Variants in NOMO1 observed in about 807,000 individuals in gnomAD.
NOMO1 encodes NODAL modulator 1.
NOMO1 carries 40 observed loss-of-function variants against 133.8 expected under a neutral mutation model. The ratio of observed to expected loss-of-function variants is 0.30; its 90% CI spans 0.23 to 0.39. The LOEUF is 0.39. Among genes scored for constraint, NOMO1 ranks in the 10% least tolerant of loss-of-function variants. NOMO1 has a pLI of 1.00. For missense variants in NOMO1, 462 were observed against 1,419.9 expected, an observed-to-expected ratio of 0.33 and a Z score of 10.84; for synonymous variants, 236 against 570.5, an observed-to-expected ratio of 0.41 and a Z score of 8.36.
intron 22 of NOMO1, among the ~76,000 whole-genome samples, chr16:14,878,446 G>A (rs1393507378): frequency 8.9e-6 from 1 of 112,764 alleles, no homozygotes; most frequent in Non-Finnish European, 1.7e-5. Flanking sequence ...GTGAGCCCAG[G>A]TTGTGCCACT....
chr16:14,894,279 T>G (rs1241180827), intron 29 of NOMO1, among the ~76,000 whole-genome samples: 1 of 152,110 alleles, frequency 6.6e-6, no homozygotes, highest in African/African-American at 2.4e-5. Context: ...AATGGGGCAA[T>G]TGGCCAAATG....
chr16:14,860,665 G>C (rs1050753666), intron 11 of NOMO1, among the ~76,000 whole-genome samples: 2 of 151,908 alleles, frequency 1.3e-5, no homozygotes, highest in Non-Finnish European at 2.9e-5. Context: ...TGAGCCACTG[G>C]GTAGATGGAG....
Position 14,883,400 on chromosome 16 carries a change from GATC to G in NOMO1, c.3111+724_3111+726del, listed in dbSNP as rs541754177. On this transcript the variant is annotated intron_variant, in intron 26 of 30. Transcript: ENST00000287667. ...CACGCAGGATGGAGTGCAGTGCCGT[GATC>G]TCGGCTCACTGCAACCTCCTCCTTG... Among the ~76,000 whole-genome samples the G allele has an allele frequency of 3.1e-3, 463 of 150,180 alleles. 4 individuals carry two copies. The highest frequency in any genetic ancestry group is 0.011 in the African/African-American group (433 of 40,640).
chr16:14,886,758 C>A lies in NOMO1; in HGVS notation c.3223-3C>A. On this transcript the variant is annotated splice_region_variant and splice_polypyrimidine_tract_variant and intron_variant, in intron 27 of 30. Transcript: ENST00000287667. The stretch of plus-strand genomic sequence containing the variant: ...GCATGTCTGACTTTGTTTCTCCCTC[C>A]AGGTCAAGCTTTACAAAAGCGAAAA... 1 of 1,611,164 alleles carries A rather than the reference C, an allele frequency of 6.2e-7. No individual in the cohort carries two copies. The highest frequency in any genetic ancestry group is 8.5e-7 in the Non-Finnish European group (1 of 1,179,474).
rs949109603 is a variant in NOMO1 at position 14,857,759 on chromosome 16, A to G, written c.1220+104A>G. On this transcript the variant is annotated intron_variant, in intron 11 of 30. Coordinates refer to ENST00000287667, the MANE Select transcript of NOMO1 (RefSeq NM_014287.4). Reference sequence around the variant, plus strand: ...GTGTCTTTGCCGAGCTTAAGAACTTAAGAAAGATTAGTACTTTTTTTTTTT... The same window carrying G: ...GTGTCTTTGCCGAGCTTAAGAACTTGAGAAAGATTAGTACTTTTTTTTTTT... 3 of 1,444,014 alleles carry G rather than the reference A, an allele frequency of 2.1e-6. No homozygotes were observed. The African/African-American group carries it at 4.6e-5, about 22-fold the overall frequency. 89.5% of individuals were successfully genotyped at this position (1,444,014 alleles called of 1,614,324 possible).
chr16:14,866,728 C>A, intron 15 of NOMO1, 37 bp downstream of exon 15: 1 of 1,609,750 alleles, frequency 6.2e-7, no homozygotes, highest in Non-Finnish European at 8.5e-7. Context: ...TTTGGAAAAG[C>A]GCTCGCCTTG....
At chr16:14,894,874 G>C (rs571813482) in intron 29 of NOMO1, 124 bp from the exon 30 acceptor site, 1 of 777,482 alleles carries the variant, frequency 1.3e-6, no homozygotes, top group African/African-American at 1.8e-5. Context: ...TTTGGATCAT[G>C]AGGGCCCCTG....
Position 14,888,522 on chromosome 16 carries a change from TG to T in NOMO1, c.3325-573del, listed in dbSNP as rs549075694. The T allele has an allele frequency of 4.3e-3, 687 of 160,004 alleles. 6 individuals carry two copies. The highest frequency in any genetic ancestry group is 6.9e-3 in the Admixed American group (120 of 17,510). The allele number at this position is 160,004 out of a possible 1,614,324, so 9.9% of individuals were successfully genotyped here. On this transcript the variant is annotated intron_variant, in intron 28 of 30. Coordinates refer to ENST00000287667, the MANE Select transcript of NOMO1 (RefSeq NM_014287.4). ...CAAAGCAGCCGCGGGCCTCATGCAA[TG>T]TGCATGGTGCCTGGCAGCTGGTCGG...
rs1347246037 is a variant in NOMO1, at chr16:14,866,850, A to G, written c.1806+159A>G. ...GTTACGCAACGCATAATCAGGAAGC[A>G]TTTATACTCTCTCAGTGGAAGGACC... is the stretch of plus-strand genomic sequence containing the variant. On this transcript the variant is annotated intron_variant, in intron 15 of 30. Coordinates refer to ENST00000287667, the MANE Select transcript of NOMO1 (RefSeq NM_014287.4). 2.0e-5 allele frequency among the ~76,000 whole-genome samples: 3 copies of G among 149,968 alleles called. 1 individual carries two copies. The highest frequency in any genetic ancestry group is 7.5e-5 in the African/African-American group (3 of 39,784).
intron 24 of NOMO1, among the ~76,000 whole-genome samples, chr16:14,880,475 T>C (rs1218885637): frequency 6.6e-6 from 1 of 151,846 alleles, no homozygotes; most frequent in Non-Finnish European, 1.5e-5. Flanking sequence ...CACTGCAACC[T>C]CTGCCTCCTG....
At chr16:14,838,126 A>G (rs1231916926) in intron 1 of NOMO1, among the ~76,000 whole-genome samples, 1 of 151,826 alleles carries the variant, frequency 6.6e-6, no homozygotes, top group East Asian at 1.9e-4. Flanking sequence ...GGAAACTTAC[A>G]CGAGCAACCT....
rs567148894 is a variant in NOMO1, at chr16:14,855,927, C to A, written c.964-1290C>A. Among the ~76,000 whole-genome samples the A allele has an allele frequency of 3.2e-3, 483 of 151,832 alleles. 3 individuals are homozygous for A. Among genetic ancestry groups the A allele is most frequent in the Non-Finnish European group, 4.3e-3 (292 of 67,960 alleles). ...ATGAAACATGTCTTTTTGGAAAGAT[C>A]AAGAAGGACTACCTGTCATGTGAGA... On this transcript the variant is annotated intron_variant, in intron 9 of 30. Coordinates refer to ENST00000287667, the MANE Select transcript of NOMO1 (RefSeq NM_014287.4).
In NOMO1 at chr16:14,883,333, CTTTT is replaced by C. The variant is rs887465219; in HGVS notation, c.3111+658_3111+661del. ...TGACCTAGGAAGTGGATTTTCTTTT[CTTTT>C]TCTTTTTTTTTTTTTTTGAGACGGA... On this transcript the variant is annotated intron_variant, in intron 26 of 30. Coordinates refer to ENST00000287667, the MANE Select transcript of NOMO1 (RefSeq NM_014287.4). Among the ~76,000 whole-genome samples, 8 of 140,390 alleles carry C rather than the reference CTTTT, an allele frequency of 5.7e-5. 1 individual carries two copies. Among genetic ancestry groups the C allele is most frequent in the African/African-American group, 2.1e-4 (8 of 38,134 alleles). 92.1% of individuals were successfully genotyped at this position (140,390 alleles called of 152,430 possible).
At chr16:14,866,323 G>GT (rs1347617687) in intron 14 of NOMO1, among the ~76,000 whole-genome samples, 2 of 150,704 alleles carry the variant, frequency 1.3e-5, no homozygotes, top group Non-Finnish European at 2.9e-5. Flanking sequence ...GCCTCCCAGA[G>GT]TGCTGGGATT....
intron 18 of NOMO1, among the ~76,000 whole-genome samples, chr16:14,874,741 T>G (rs900392379): frequency 1.0e-3 from 156 of 152,032 alleles, no homozygotes; most frequent in Non-Finnish European, 9.7e-4. Flanking sequence ...CAGAGGATGG[T>G]GGTGTGGAGA....
chr16:14,876,551 A>G, intron 21 of NOMO1, 33 bp downstream of exon 21: 2 of 1,611,540 alleles, frequency 1.2e-6, no homozygotes, highest in Admixed American at 3.3e-5. Flanking sequence ...TGTGCCTGGG[A>G]TCAGCGTGGG....
rs528439692 is a variant in NOMO1, at chr16:14,859,922, G to A, written c.1220+2267G>A. ...AAGAAAGATCTTCCCTAGTAGAGAA[G>A]CAACATGCTCAGAGGCCTGCATAGG... is the stretch of plus-strand genomic sequence containing the variant. On this transcript the variant is annotated intron_variant, in intron 11 of 30. Coordinates refer to ENST00000287667, the MANE Select transcript of NOMO1 (RefSeq NM_014287.4). Among the ~76,000 whole-genome samples, 2 of 152,144 alleles carry A rather than the reference G, an allele frequency of 1.3e-5. 1 individual carries two copies. The highest frequency in any genetic ancestry group is 4.2e-4 in the South Asian group (2 of 4,816).
chr16:14,886,983 G>A lies in NOMO1; in HGVS notation c.3324+121G>A. 3 of 1,402,830 alleles carry A rather than the reference G, an allele frequency of 2.1e-6. No individual in the cohort carries two copies. In the South Asian group the frequency reaches 3.8e-5, roughly 18 times the overall value. 86.9% of individuals were successfully genotyped at this position (1,402,830 alleles called of 1,614,324 possible). On this transcript the variant is annotated intron_variant, in intron 28 of 30. Coordinates refer to ENST00000287667, the MANE Select transcript of NOMO1 (RefSeq NM_014287.4). ...ACCACTCTGCAGAAATACGCTCTCT[G>A]AATCAAAAGAGGTTGGGTTCTGTAG...
chr16:14,874,707 T>G (rs1379418596), intron 18 of NOMO1, among the ~76,000 whole-genome samples: 2 of 151,976 alleles, frequency 1.3e-5, no homozygotes, highest in East Asian at 3.9e-4. Flanking sequence ...TCAGAGCAGT[T>G]CTCAGCGAAG....
Sources: gnomAD v4.1 joint callset for allele counts (sites outside exome capture counted in the v4.1 genomes callset) on GRCh38, gnomAD v4.1.1 for gene constraint, MANE v1.5 for transcripts, NCBI Gene and HGNC (gene_info 2026-07-23, HGNC 2026-07-21) for gene names.